The following LSM11 variants were observed in gnomAD, a reference collection of about 807,000 sequenced individuals.
LSM11 encodes U7 snRNA-associated Sm-like protein LSm11.
In LSM11, 14 loss-of-function variants were observed where a neutral mutation model predicts 28.1. The ratio of observed to expected loss-of-function variants is 0.50; its 90% CI spans 0.33 to 0.78. LSM11 has a LOEUF of 0.78. Among genes scored for constraint, LSM11 ranks in the 30% least tolerant of loss-of-function variants. The probability of loss-of-function intolerance (pLI) is 0.02; values close to 1 mark genes in which losing one functional copy is unlikely to be tolerated. For missense variants in LSM11, 495 were observed against 510.6 expected (o/e 0.97, Z 0.30); for synonymous variants, 207 against 214.2 (o/e 0.97, Z 0.30).
At chr5:157,750,034 C>G (rs1308127496) in intron 1 of LSM11, among the ~76,000 whole-genome samples, 1 of 152,164 alleles carries the variant, frequency 6.6e-6, no homozygotes, top group Non-Finnish European at 1.5e-5. Flanking sequence ...CAAAAATAAA[C>G]TTTCTACAGA....
At position 157,751,324 on chromosome 5, in the gene LSM11, C is replaced by T. The variant is rs1449137432; in HGVS notation, c.449-66C>T. On this transcript the variant is annotated intron_variant, in intron 1 of 3. Transcript: ENST00000286307. ...ATGTTGCTGGCCGAAGTTGGGTGGT[C>T]GTGGCTTAATTCTGGGAATGAGGGC... 8.7e-6 allele frequency: 13 copies of T among 1,490,200 alleles called. No homozygotes were observed. In the Admixed American group the frequency reaches 1.7e-4, roughly 20 times the overall value. 92.3% of individuals were successfully genotyped at this position (1,490,200 alleles called of 1,614,324 possible).
At chr5:157,744,995 G>A (rs1761125345) in intron 1 of LSM11, among the ~76,000 whole-genome samples, 1 of 152,176 alleles carries the variant, frequency 6.6e-6, no homozygotes, top group African/African-American at 2.4e-5. Flanking sequence ...TACCATATGT[G>A]CAGGTTATTT....
At position 157,743,850 on chromosome 5, in the gene LSM11, C is replaced by A. The variant is rs761284185; in HGVS notation, c.100C>A (p.Leu34Met). 4 of 1,557,934 alleles carry A rather than the reference C, an allele frequency of 2.6e-6. No individual in the cohort carries two copies. Among genetic ancestry groups the A allele is most frequent in the Non-Finnish European group, 1.7e-6 (2 of 1,154,868 alleles). Reference sequence around the variant, plus strand: ...TGTCAGCTCTGACAGCTTCGACCCGCTGCTGGCCCTGTACGCGCCCCGCCT... The same window carrying A: ...TGTCAGCTCTGACAGCTTCGACCCGATGCTGGCCCTGTACGCGCCCCGCCT... ...LDVSSDSFDP[L>M]LALYAPRLPP... Residue 34 changes from leucine to methionine, a missense_variant, in exon 1 of 4, where the codon CTG becomes ATG. By Grantham distance (15) the Leu-to-Met change is conservative. Coordinates refer to ENST00000286307, the MANE Select transcript of LSM11 (RefSeq NM_173491.4).
chr5:157,757,868 A>G lies in LSM11; in HGVS notation c.*2604A>G, dbSNP rs761094016. On this transcript the variant is annotated 3_prime_UTR_variant, in exon 4 of 4. Coordinates refer to ENST00000286307, the MANE Select transcript of LSM11 (RefSeq NM_173491.4). ...TAAACATATGCCTGTTTTTATGTTT[A>G]CCTATAATTTTCATATAGCCGTATA... 1.3e-5 allele frequency: 2 copies of G among 152,218 alleles called. No individual in the cohort carries two copies. The highest frequency in any genetic ancestry group is 6.5e-5 in the Admixed American group (1 of 15,274). The allele number at this position is 152,218 out of a possible 1,614,324, so 9.4% of individuals were successfully genotyped here. A position where few individuals can be genotyped will look rare whatever the true frequency, so the allele number is the denominator to read the frequency against.
intron 1 of LSM11, among the ~76,000 whole-genome samples, chr5:157,749,306 T>C (rs2073025407): frequency 6.6e-6 from 1 of 152,204 alleles, no homozygotes; most frequent in African/African-American, 2.4e-5. Context: ...TGTATAAACA[T>C]ACATCATAGG....
intron 1 of LSM11, among the ~76,000 whole-genome samples, chr5:157,746,945 C>T (rs1045477509): frequency 3.9e-5 from 6 of 152,030 alleles, no homozygotes; most frequent in African/African-American, 1.4e-4. Flanking sequence ...GAGGCTGTTG[C>T]AATACTGGGA....
intron 1 of LSM11, among the ~76,000 whole-genome samples, chr5:157,748,818 T>C (rs908432810): frequency 4.6e-5 from 7 of 152,274 alleles, no homozygotes; most frequent in Admixed American, 2.6e-4. Flanking sequence ...GAGCTGAAAA[T>C]GACCTGGATC....
At chr5:157,747,024 T>C (rs1761158326) in intron 1 of LSM11, among the ~76,000 whole-genome samples, 1 of 152,166 alleles carries the variant, frequency 6.6e-6, no homozygotes, top group African/African-American at 2.4e-5. Flanking sequence ...CCATCACTGA[T>C]ACCAACAAAG....
chr5:157,753,248 A>G (rs995694910), intron 2 of LSM11, among the ~76,000 whole-genome samples: 6 of 152,216 alleles, frequency 3.9e-5, no homozygotes, highest in Admixed American at 6.5e-5. Flanking sequence ...GACTGTAAGC[A>G]AGATAATTTC....
At position 157,755,268 on chromosome 5, in the gene LSM11, G is replaced by C. The variant is rs1441722753; in HGVS notation, c.*4G>C. 1 of 1,611,840 alleles carries C rather than the reference G, an allele frequency of 6.2e-7. No individual in the cohort carries two copies. The highest frequency in any genetic ancestry group is 1.1e-5 in the South Asian group (1 of 90,910). ...GCTGGTTCATCTTGCACAGTGACCA[G>C]CTCAGCCTGAGCTTTGGTTTTTAGA... is the stretch of plus-strand genomic sequence containing the variant. On this transcript the variant is annotated 3_prime_UTR_variant, in exon 4 of 4. Transcript: ENST00000286307.
chr5:157,744,302 AT>A, intron 1 of LSM11, 104 bp downstream of exon 1: 2 of 878,110 alleles, frequency 2.3e-6, no homozygotes, highest in Non-Finnish European at 3.0e-6. Flanking sequence ...GTCTGCACGT[AT>A]TGCGGGAGCG....
chr5:157,754,000 C>G lies in LSM11; in HGVS notation c.589-4C>G. Reference sequence around the variant, plus strand: ...ATGTTTTTCCTTTTGGGCTGTTCCTCTAGGCACTTACTGATGTGGATGAGA... The same window carrying G: ...ATGTTTTTCCTTTTGGGCTGTTCCTGTAGGCACTTACTGATGTGGATGAGA... On this transcript the variant is annotated splice_polypyrimidine_tract_variant and splice_region_variant and intron_variant, in intron 2 of 3. Coordinates refer to ENST00000286307, the MANE Select transcript of LSM11 (RefSeq NM_173491.4). 1 of 1,527,048 alleles carries G rather than the reference C, an allele frequency of 6.5e-7. No homozygotes were observed. Among genetic ancestry groups the G allele is most frequent in the Non-Finnish European group, 8.8e-7 (1 of 1,139,588 alleles). The allele number at this position is 1,527,048 out of a possible 1,614,324, so 94.6% of individuals were successfully genotyped here.
At chr5:157,746,492 A>G (rs1312725515) in intron 1 of LSM11, among the ~76,000 whole-genome samples, 1 of 152,254 alleles carries the variant, frequency 6.6e-6, no homozygotes, top group South Asian at 2.1e-4. Context: ...TTATGAAAAA[A>G]CAAGGAGTGC....
chr5:157,759,500 G>A lies in LSM11; in HGVS notation c.*4236G>A, dbSNP rs759757873. 6.6e-6 allele frequency: 1 copy of A among 152,102 alleles called. No individual in the cohort carries two copies. The highest frequency in any genetic ancestry group is 1.5e-5 in the Non-Finnish European group (1 of 68,024). The allele number at this position is 152,102 out of a possible 1,614,324, so 9.4% of individuals were successfully genotyped here. ...TAGGAAAAAATTAAAACTATTCAATGACAGCTAGCTGTCACTGGTGCTACC... is the reference window on the plus strand; with the variant it reads ...TAGGAAAAAATTAAAACTATTCAATAACAGCTAGCTGTCACTGGTGCTACC... On this transcript the variant is annotated 3_prime_UTR_variant, in exon 4 of 4. Transcript: ENST00000286307.
chr5:157,753,954 T>C (rs754239153), intron 2 of LSM11, 50 bp from the exon 3 acceptor site: 2 of 533,390 alleles, frequency 3.7e-6, no homozygotes, highest in Middle Eastern at 5.5e-4. Context: ...GCTATACAAA[T>C]AATAATTTTA....
At chr5:157,752,568 G>T (rs1041339778) in intron 2 of LSM11, among the ~76,000 whole-genome samples, 7 of 151,802 alleles carry the variant, frequency 4.6e-5, no homozygotes, top group African/African-American at 1.5e-4. Flanking sequence ...CTACTAGGCT[G>T]CACGCGGTGG....
At position 157,755,052 on chromosome 5, in the gene LSM11, G is replaced by T. The variant is rs772049975; in HGVS notation, c.871G>T (p.Glu291Ter). Residue 291 changes from glutamate (E) to a stop codon, truncating the protein, a stop_gained, in exon 4 of 4, where the codon GAG (glutamate) becomes TAG (stop). Transcript: ENST00000286307. LOFTEE classifies it high-confidence loss of function. ...TTCTTCCCTGCAGGCCTCTGCAAGGGAGGAGTCCAGGTCAGAGCTGTCAGG... is the reference window on the plus strand; with the variant it reads ...TTCTTCCCTGCAGGCCTCTGCAAGGTAGGAGTCCAGGTCAGAGCTGTCAGG... ...VPSSLQASAR[E>*]ESRSELSGRT... 1 of 1,614,120 alleles carries T rather than the reference G, an allele frequency of 6.2e-7. No individual in the cohort carries two copies. The highest frequency in any genetic ancestry group is 8.5e-7 in the Non-Finnish European group (1 of 1,180,058).
rs6882516 is a variant in LSM11 at position 157,755,889 on chromosome 5, C to A, written c.*625C>A. On this transcript the variant is annotated 3_prime_UTR_variant, in exon 4 of 4. Coordinates refer to ENST00000286307, the MANE Select transcript of LSM11 (RefSeq NM_173491.4). ...TGAGTGCTCTGTTTTGATCCTTCTT[C>A]TTATTATGGAAAGGAGTACAGGACC... 0.21 allele frequency: 83,205 copies of A among 393,224 alleles called. 9,487 individuals are homozygous for A. Among genetic ancestry groups the A allele is most frequent in the African/African-American group, 0.33 (15,820 of 48,188 alleles). The allele number at this position is 393,224 out of a possible 1,614,324, so 24.4% of individuals were successfully genotyped here.
chr5:157,744,821 A>T (rs1199092257), intron 1 of LSM11, among the ~76,000 whole-genome samples: 1 of 152,174 alleles, frequency 6.6e-6, no homozygotes, highest in African/African-American at 2.4e-5. Context: ...CTCCTTCTCG[A>T]GTGCGATAAG....
Sources: gnomAD v4.1 joint callset for allele counts (sites outside exome capture counted in the v4.1 genomes callset) on GRCh38, gnomAD v4.1.1 for gene constraint, MANE v1.5 for transcripts, NCBI Gene and HGNC (gene_info 2026-07-23, HGNC 2026-07-21) for gene names.